Variants in HECW1 observed in about 807,000 individuals in gnomAD.
The protein encoded by HECW1 is HECT, C2 and WW domain containing E3 ubiquitin protein ligase 1, also known as E3 ubiquitin-protein ligase HECW1.
HECW1 carries 61 observed loss-of-function variants against 182.3 expected under a neutral mutation model. The observed-to-expected ratio is 0.33, with a 90% CI of 0.27 to 0.41. The LOEUF (loss-of-function observed/expected upper bound fraction) is 0.41, where lower values mean the gene tolerates loss of function less well. Among genes scored for constraint, HECW1 ranks in the 10% least tolerant of loss-of-function variants. HECW1 has a pLI of 1.00. For missense variants in HECW1, 1,739 were observed against 2,108.9 expected, an observed-to-expected ratio of 0.82 and a Z score of 3.44; for synonymous variants, 859 against 832.6, an observed-to-expected ratio of 1.03 and a Z score of -0.55.
chr7:43,417,711 A>G (rs1178889181), intron 8 of HECW1, among the ~76,000 whole-genome samples: 1 of 152,078 alleles, frequency 6.6e-6, no homozygotes, highest in African/African-American at 2.4e-5. Context: ...AAAGGTTTAA[A>G]ATGCAGTTCC....
At chr7:43,263,488 G>A (rs546513505) in intron 3 of HECW1, among the ~76,000 whole-genome samples, 1 of 152,206 alleles carries the variant, frequency 6.6e-6, no homozygotes, top group South Asian at 2.1e-4. Context: ...AGCCTCCCGA[G>A]TAGCTGGGAC....
intron 14 of HECW1, among the ~76,000 whole-genome samples, chr7:43,465,382 G>A (rs563846908): frequency 9.2e-5 from 14 of 152,264 alleles, no homozygotes; most frequent in East Asian, 3.9e-4. Flanking sequence ...CTGCGGAGTC[G>A]GCCACAGGCT....
At chr7:43,430,986 T>G (rs2076531907) in intron 8 of HECW1, among the ~76,000 whole-genome samples, 2 of 151,954 alleles carry the variant, frequency 1.3e-5, no homozygotes, top group African/African-American at 2.4e-5. Context: ...TTTCCCATGT[T>G]GGCCAGGCTG....
chr7:43,186,442 TGGATCACGAGGTCA>T (rs1222573741), intron 2 of HECW1, among the ~76,000 whole-genome samples: 4 of 151,984 alleles, frequency 2.6e-5, no homozygotes, highest in African/African-American at 9.7e-5. Flanking sequence ...CCGAGGCGGA[TGGATCACGAGGTCA>T]GGAGATTGAG....
At chr7:43,513,438 C>T in intron 24 of HECW1, among the ~76,000 whole-genome samples, 1 of 152,194 alleles carries the variant, frequency 6.6e-6, no homozygotes, top group East Asian at 1.9e-4. Flanking sequence ...GTGTGTCCTT[C>T]CTCTGAAAGC....
chr7:43,151,853 G>A lies in HECW1; in HGVS notation c.-32+37462G>A, dbSNP rs1341874347. On this transcript the variant is annotated intron_variant, in intron 2 of 29. Transcript: ENST00000395891. ...AGATATATAAGAGAAAATTTACCTAGGCTAAAGAAAGATTTGAGGTTGCTG... is the reference window on the plus strand; with the variant it reads ...AGATATATAAGAGAAAATTTACCTAAGCTAAAGAAAGATTTGAGGTTGCTG... Among the ~76,000 whole-genome samples the A allele has an allele frequency of 5.3e-5, 8 of 152,078 alleles. No homozygotes were observed. In the South Asian group the frequency reaches 1.2e-3, roughly 24 times the overall value.
intron 3 of HECW1, chr7:43,274,644 GGAGAGA>G (rs142241026): frequency 4.1e-5 from 13 of 313,760 alleles, no homozygotes; most frequent in African/African-American, 1.4e-4. Context: ...GGGGAGGGAG[GGAGAGA>G]GAGAGAGAGA....
At chr7:43,190,828 A>C (rs1793850070) in intron 2 of HECW1, among the ~76,000 whole-genome samples, 1 of 152,180 alleles carries the variant, frequency 6.6e-6, no homozygotes, top group Non-Finnish European at 1.5e-5. Flanking sequence ...TGTGCAAACT[A>C]TTCCTCCCTG....
intron 6 of HECW1, among the ~76,000 whole-genome samples, chr7:43,370,811 A>G (rs1334912951): frequency 6.6e-6 from 1 of 152,188 alleles, no homozygotes; most frequent in Non-Finnish European, 1.5e-5. Context: ...AGACAGTAAA[A>G]AAGATCAGTG....
At chr7:43,327,348 C>T (rs1810928912) in intron 5 of HECW1, among the ~76,000 whole-genome samples, 1 of 152,174 alleles carries the variant, frequency 6.6e-6, no homozygotes, top group African/African-American at 2.4e-5. Flanking sequence ...AAGACTCCCC[C>T]CACCGCTGCC....
intron 12 of HECW1, among the ~76,000 whole-genome samples, chr7:43,455,725 C>A (rs1231903469): frequency 1.3e-5 from 2 of 152,138 alleles, no homozygotes; most frequent in Non-Finnish European, 2.9e-5. Flanking sequence ...GTGTGATGAC[C>A]CGTGCCTGTA....
At chr7:43,494,137 A>C (rs1297251508) in intron 19 of HECW1, among the ~76,000 whole-genome samples, 1 of 152,056 alleles carries the variant, frequency 6.6e-6, no homozygotes, top group Admixed American at 6.6e-5. Flanking sequence ...AGAATGGATC[A>C]TTCACTATTC....
chr7:43,209,027 A>G (rs10951717), intron 2 of HECW1, among the ~76,000 whole-genome samples: 106,073 of 152,078 alleles, frequency 0.7, 37,549 homozygotes, highest in Non-Finnish European at 0.75. Context: ...TATGCACAAA[A>G]CATTACCTCT....
chr7:43,528,421 C>G (rs1323734625), intron 24 of HECW1, among the ~76,000 whole-genome samples: 1 of 152,082 alleles, frequency 6.6e-6, no homozygotes, highest in African/African-American at 2.4e-5. Context: ...TAATTTAATC[C>G]TTATAATCTG....
chr7:43,204,437 G>C (rs1388770942), intron 2 of HECW1, among the ~76,000 whole-genome samples: 1 of 152,104 alleles, frequency 6.6e-6, no homozygotes, highest in Admixed American at 6.6e-5. Flanking sequence ...CTCACTATCA[G>C]AGTGCAAATC....
intron 7 of HECW1, 84 bp from the exon 8 acceptor site, chr7:43,407,478 C>A (rs2075650062): frequency 1.0e-6 from 1 of 963,486 alleles, no homozygotes; most frequent in South Asian, 1.7e-5. Flanking sequence ...GGCCAATGGT[C>A]CTCTCATGAA....
At chr7:43,385,623 C>T (rs1182502168) in intron 6 of HECW1, among the ~76,000 whole-genome samples, 3 of 152,018 alleles carry the variant, frequency 2.0e-5, no homozygotes, top group Admixed American at 1.3e-4. Context: ...AACAGAAGAG[C>T]AAGGCCAATT....
chr7:43,473,113 C>T (rs1185673239), intron 16 of HECW1, among the ~76,000 whole-genome samples: 2 of 152,144 alleles, frequency 1.3e-5, no homozygotes, highest in Non-Finnish European at 2.9e-5. Flanking sequence ...TATTAGTTCC[C>T]TCTAGAGCTG....
At position 43,360,149 on chromosome 7, in the gene HECW1, T is replaced by C. The variant is rs377540770; in HGVS notation, c.461-737T>C. Among the ~76,000 whole-genome samples, 10 of 152,206 alleles carry C rather than the reference T, an allele frequency of 6.6e-5. No homozygotes were observed. In the East Asian group the frequency reaches 1.2e-3, roughly 18 times the overall value. On this transcript the variant is annotated intron_variant, in intron 5 of 29. Coordinates refer to ENST00000395891, the MANE Select transcript of HECW1 (RefSeq NM_015052.5). ...TCTCACAGATTGTAAATAATGGAGC[T>C]GAAATTCAAACCCAGTGTGATCCCC...
Sources: allele counts gnomAD v4.1 joint callset (sites outside exome capture counted in the v4.1 genomes callset), GRCh38; gene constraint gnomAD v4.1.1; transcripts MANE v1.5; gene names NCBI Gene and HGNC (gene_info 2026-07-23, HGNC 2026-07-21).